Variants in RPTOR observed in about 807,000 individuals in gnomAD.
RPTOR encodes the protein regulatory-associated protein of mTOR.
RPTOR carries 21 observed loss-of-function variants against 169.9 expected under a neutral mutation model. The observed-to-expected ratio is 0.12, with a 90% confidence interval of 0.09 to 0.18. RPTOR has a LOEUF of 0.18. RPTOR is among the 10% of genes least tolerant of loss of function. The pLI is 1.00. For missense variants in RPTOR, 1,133 were observed against 1,855.9 expected, an observed-to-expected ratio of 0.61 and a Z score of 7.16; for synonymous variants, 732 against 753.2, an observed-to-expected ratio of 0.97 and a Z score of 0.46.
chr17:80,586,314 T>C (rs1249914245), intron 1 of RPTOR, among the ~76,000 whole-genome samples: 6 of 152,160 alleles, frequency 3.9e-5, no homozygotes, highest in African/African-American at 1.4e-4. Context: ...TTGAGTCTTG[T>C]GACTGATTGG....
intron 1 of RPTOR, among the ~76,000 whole-genome samples, chr17:80,580,869 C>T (rs780741562): frequency 6.6e-6 from 1 of 152,118 alleles, no homozygotes; most frequent in Non-Finnish European, 1.5e-5. Context: ...CTAAAGTGAT[C>T]CTCCCATCTC....
At chr17:80,924,062 G>C (rs1190105139) in intron 23 of RPTOR, 1 of 272,148 alleles carries the variant, frequency 3.7e-6, no homozygotes, top group Admixed American at 4.8e-5. Context: ...CGTCCGCTTG[G>C]GGGCAGCTGC....
chr17:80,841,354 T>C (rs1488672229), intron 10 of RPTOR, among the ~76,000 whole-genome samples: 1 of 107,722 alleles, frequency 9.3e-6, no homozygotes, highest in Non-Finnish European at 1.8e-5. Context: ...GGCAGCTCGC[T>C]CTCTCTGCAC....
chr17:80,884,137 A>G (rs1012305821), intron 16 of RPTOR, among the ~76,000 whole-genome samples, 165 bp downstream of exon 16: 1 of 152,220 alleles, frequency 6.6e-6, no homozygotes, highest in Non-Finnish European at 1.5e-5. Flanking sequence ...AGAGAACCAC[A>G]CCACTGGGGA....
Position 80,715,923 on chromosome 17 carries a change from T to A in RPTOR, c.507+7924T>A, listed in dbSNP as rs1483684094. 2.0e-5 allele frequency among the ~76,000 whole-genome samples: 3 copies of A among 152,260 alleles called. No individual in the cohort carries two copies. The East Asian group carries it at 5.8e-4, about 29-fold the overall frequency. ...CATTACTTTTTATGACTGAGTAGTA[T>A]TCCATCATGTATATATACCATATTT... On this transcript the variant is annotated intron_variant, in intron 4 of 33. Coordinates refer to ENST00000306801, the MANE Select transcript of RPTOR (RefSeq NM_020761.3).
At chr17:80,819,402 T>C (rs2067356712) in intron 7 of RPTOR, among the ~76,000 whole-genome samples, 1 of 152,274 alleles carries the variant, frequency 6.6e-6, no homozygotes, top group Non-Finnish European at 1.5e-5. Flanking sequence ...TATAAAGCAT[T>C]GTCCCATATT....
At chr17:80,949,195 G>T (rs1206015448) in intron 27 of RPTOR, among the ~76,000 whole-genome samples, 1 of 152,156 alleles carries the variant, frequency 6.6e-6, no homozygotes, top group African/African-American at 2.4e-5. Context: ...TGTGGCCAGG[G>T]TGGGACAGGA....
chr17:80,885,619 C>G (rs1355146004), intron 17 of RPTOR, among the ~76,000 whole-genome samples: 4 of 152,210 alleles, frequency 2.6e-5, no homozygotes, highest in Non-Finnish European at 5.9e-5. Context: ...TCTTGGCTCA[C>G]TGCAAGCTCC....
chr17:80,836,286 C>A (rs1345901382), intron 9 of RPTOR, among the ~76,000 whole-genome samples: 1 of 152,254 alleles, frequency 6.6e-6, no homozygotes, highest in Non-Finnish European at 1.5e-5. Context: ...TCGAAAGTCA[C>A]ACGGGGCTGC....
chr17:80,692,149 T>C (rs1009971406), intron 3 of RPTOR, among the ~76,000 whole-genome samples: 4 of 152,188 alleles, frequency 2.6e-5, no homozygotes, highest in Non-Finnish European at 5.9e-5. Context: ...GCTCTCACTG[T>C]GGCCCAGGCT....
chr17:80,671,183 C>T (rs907658659), intron 3 of RPTOR, among the ~76,000 whole-genome samples: 3 of 152,240 alleles, frequency 2.0e-5, no homozygotes, highest in Non-Finnish European at 4.4e-5. Context: ...CCACGGGCCC[C>T]TCCTGGCCTT....
At chr17:80,767,101 G>A (rs1379434653) in intron 6 of RPTOR, among the ~76,000 whole-genome samples, 2 of 152,228 alleles carry the variant, frequency 1.3e-5, no homozygotes, top group African/African-American at 2.4e-5. Flanking sequence ...GGCCAGGTGC[G>A]GGGGCTCATG....
chr17:80,777,279 C>T (rs1372642535), intron 6 of RPTOR, among the ~76,000 whole-genome samples: 3 of 151,624 alleles, frequency 2.0e-5, no homozygotes, highest in African/African-American at 7.3e-5. Flanking sequence ...GAGCGGAGGC[C>T]AGTGTGGGAG....
intron 22 of RPTOR, among the ~76,000 whole-genome samples, 173 bp from the exon 23 acceptor site, chr17:80,923,317 C>T (rs73355880): frequency 0.014 from 2,094 of 152,300 alleles, 49 homozygotes; most frequent in African/African-American, 0.048. Flanking sequence ...AGCATGGACT[C>T]GGCACCAGCA....
At chr17:80,816,625 A>G (rs1286302363) in intron 7 of RPTOR, among the ~76,000 whole-genome samples, 1 of 152,158 alleles carries the variant, frequency 6.6e-6, no homozygotes, top group Non-Finnish European at 1.5e-5. Context: ...GCCGGGTGCC[A>G]GGGGAGAGAC....
At chr17:80,930,385 GCTCAGCTCATTCTCAGC>G (rs2068875476) in intron 24 of RPTOR, among the ~76,000 whole-genome samples, 1 of 1,350 alleles carries the variant, frequency 7.4e-4, no homozygotes, top group African/African-American at 2.9e-3. Context: ...CCCCAGCTCA[GCTCAGCTCATTCTCAGC>G]TCATCCCCAG....
At position 80,889,852 on chromosome 17, in the gene RPTOR, C is replaced by T. The variant is rs187852276; in HGVS notation, c.1984-1868C>T. Among the ~76,000 whole-genome samples, 260 of 121,098 alleles carry T rather than the reference C, an allele frequency of 2.1e-3. 10 individuals are homozygous for T. Among genetic ancestry groups the T allele is most frequent in the African/African-American group, 7.6e-3 (239 of 31,488 alleles). The allele number at this position is 121,098 out of a possible 152,430, so 79.4% of individuals were successfully genotyped here. On this transcript the variant is annotated intron_variant, in intron 17 of 33. Transcript: ENST00000306801. Reference sequence around the variant, plus strand: ...CAGGATGTGCGGCCTCCGAGGGAGGCCCCCGTATGCAGCAGGATGTGCGGC... The same window carrying T: ...CAGGATGTGCGGCCTCCGAGGGAGGTCCCCGTATGCAGCAGGATGTGCGGC...
In RPTOR at chr17:80,844,484, G is replaced by A. The variant is rs2067704419; in HGVS notation, c.1213-1989G>A. On this transcript the variant is annotated intron_variant, in intron 10 of 33. Coordinates refer to ENST00000306801, the MANE Select transcript of RPTOR (RefSeq NM_020761.3). This position sits in a 1 kb window ranked among gnomAD's most constrained non-coding sequence, Gnocchi z 4.7. ...ACTCAGGAGAATTACGTTCTCGCGG[G>A]ATGTGGAGGAGGGGGTACTTAACGA... 6.6e-6 allele frequency among the ~76,000 whole-genome samples: 1 copy of A among 152,200 alleles called. No individual in the cohort carries two copies. Among genetic ancestry groups the A allele is most frequent in the Admixed American group, 6.5e-5 (1 of 15,290 alleles).
Position 80,943,761 on chromosome 17 carries a change from A to T in RPTOR, c.3026-1906A>T, listed in dbSNP as rs541519054. ...TAGTAAGAGCCAGTCAGGTGAGGAC[A>T]CGGTTAGTAAGAGCCAGTCAGGTGA... On this transcript the variant is annotated intron_variant, in intron 25 of 33. Coordinates refer to ENST00000306801, the MANE Select transcript of RPTOR (RefSeq NM_020761.3). 4.6e-5 allele frequency among the ~76,000 whole-genome samples: 7 copies of T among 152,100 alleles called. No homozygotes were observed. The South Asian group carries it at 8.4e-4, about 18-fold the overall frequency.
Sources: gnomAD v4.1 joint callset for allele counts (sites outside exome capture counted in the v4.1 genomes callset) on GRCh38, gnomAD v4.1.1 for gene constraint, Gnocchi (gnomAD v3.1) non-coding constraint, MANE v1.5 for transcripts, NCBI Gene and HGNC (gene_info 2026-07-23, HGNC 2026-07-21) for gene names.